LRRC7: variants seen among roughly 807,000 people sequenced by gnomAD.
LRRC7 encodes leucine-rich repeat-containing protein 7.
Under a neutral mutation model 175.7 loss-of-function variants are expected in LRRC7, and 23 were observed. The observed-to-expected ratio is 0.13, with a 90% CI of 0.09 to 0.19. The LOEUF (loss-of-function observed/expected upper bound fraction) is 0.19, where lower values mean the gene tolerates loss of function less well. Ranked by LOEUF, LRRC7 falls within the 10% of genes least tolerant of loss-of-function variation. The probability of loss-of-function intolerance (pLI) is 1.00; values close to 1 mark genes in which losing one functional copy is unlikely to be tolerated. For missense variants in LRRC7, 1,354 were observed against 1,904.7 expected (o/e 0.71, Z 5.38); for synonymous variants, 685 against 680.9 (o/e 1.01, Z -0.09).
chr1:69,654,115 ATTT>A (rs928157189), intron 1 of LRRC7, among the ~76,000 whole-genome samples: 1 of 147,098 alleles, frequency 6.8e-6, no homozygotes, highest in Admixed American at 6.8e-5. Context: ...CATGTTATTT[ATTT>A]TTTTTTTTTA....
chr1:69,947,883 A>G (rs539019576), intron 8 of LRRC7, among the ~76,000 whole-genome samples: 4 of 152,278 alleles, frequency 2.6e-5, no homozygotes, highest in South Asian at 4.1e-4. Flanking sequence ...TTATAACAAT[A>G]TACTGTAAAA....
At chr1:69,836,796 T>C (rs1051422276) in intron 6 of LRRC7, among the ~76,000 whole-genome samples, 1 of 151,576 alleles carries the variant, frequency 6.6e-6, no homozygotes, top group African/African-American at 2.4e-5. Context: ...AATATACCCA[T>C]GCCGTGAAGA....
At chr1:69,761,383 A>G (rs1376635056) in intron 3 of LRRC7, among the ~76,000 whole-genome samples, 1 of 152,078 alleles carries the variant, frequency 6.6e-6, no homozygotes, top group Non-Finnish European at 1.5e-5. Context: ...ATCAAAATAA[A>G]TTATGAATAA....
At chr1:69,676,591 A>G (rs935413398) in intron 1 of LRRC7, among the ~76,000 whole-genome samples, 78 of 152,176 alleles carry the variant, frequency 5.1e-4, no homozygotes, top group African/African-American at 1.8e-3. Flanking sequence ...TGCTCACCCA[A>G]GTTGTGTTTG....
chr1:69,797,151 T>A (rs1675885211), intron 4 of LRRC7, among the ~76,000 whole-genome samples: 2 of 152,140 alleles, frequency 1.3e-5, no homozygotes, highest in Non-Finnish European at 2.9e-5. Flanking sequence ...TTAATTACAT[T>A]AGGGACCCAA....
intron 1 of LRRC7, among the ~76,000 whole-genome samples, chr1:69,631,385 CATT>C (rs1652471297): frequency 6.6e-6 from 1 of 152,196 alleles, no homozygotes; most frequent in Non-Finnish European, 1.5e-5. Flanking sequence ...CAAATCATCT[CATT>C]GTTGATATTC....
chr1:70,106,629 A>T (rs903585817), intron 25 of LRRC7, among the ~76,000 whole-genome samples: 2 of 152,206 alleles, frequency 1.3e-5, no homozygotes, highest in South Asian at 2.1e-4. Flanking sequence ...AAGAAGGTTT[A>T]TGAAAGGCCA....
At chr1:69,716,606 T>C (rs1157349739) in intron 2 of LRRC7, among the ~76,000 whole-genome samples, 1 of 151,900 alleles carries the variant, frequency 6.6e-6, no homozygotes, top group Non-Finnish European at 1.5e-5. Context: ...TCATAAATAT[T>C]ATTTTATAAT....
intron 2 of LRRC7, among the ~76,000 whole-genome samples, chr1:69,737,011 T>C (rs1180334001): frequency 6.6e-6 from 1 of 152,228 alleles, no homozygotes; most frequent in South Asian, 2.1e-4. Context: ...AGCCTGCCAG[T>C]GCCAAACTCA....
chr1:69,948,248 A>T (rs1649551054), intron 8 of LRRC7, among the ~76,000 whole-genome samples: 1 of 152,198 alleles, frequency 6.6e-6, no homozygotes, highest in Admixed American at 6.5e-5. Flanking sequence ...TAAGCAGGAG[A>T]TTATTACAGA....
chr1:69,770,530 C>T (rs1462950042), intron 3 of LRRC7, among the ~76,000 whole-genome samples: 3 of 151,818 alleles, frequency 2.0e-5, no homozygotes, highest in Admixed American at 2.0e-4. Flanking sequence ...TTTTTTTCCT[C>T]CTACTTAAAA....
intron 4 of LRRC7, among the ~76,000 whole-genome samples, chr1:69,800,782 G>C (rs377692174): frequency 1.3e-5 from 2 of 151,856 alleles, no homozygotes. Context: ...ATATTGAAGA[G>C]AGTAGTGAAA....
At chr1:70,072,936 G>T (rs1024062800) in intron 23 of LRRC7, among the ~76,000 whole-genome samples, 1 of 152,178 alleles carries the variant, frequency 6.6e-6, no homozygotes, top group African/African-American at 2.4e-5. Flanking sequence ...ACTAATGAGG[G>T]TGGGTGTCAA....
intron 1 of LRRC7, among the ~76,000 whole-genome samples, chr1:69,625,423 T>A (rs1651340138): frequency 7.2e-6 from 1 of 139,164 alleles, no homozygotes. Flanking sequence ...AGAACCAAGT[T>A]TGGGTTTTAT....
chr1:70,081,534 T>C (rs1174907244), intron 24 of LRRC7, among the ~76,000 whole-genome samples: 1 of 152,240 alleles, frequency 6.6e-6, no homozygotes, highest in Admixed American at 6.5e-5. Context: ...ATGTCTTGCC[T>C]GTGGTCACAC....
Position 69,781,954 on chromosome 1 carries a change from A to G in LRRC7, c.304-10089A>G, listed in dbSNP as rs570201974. On this transcript the variant is annotated intron_variant, in intron 3 of 26. Coordinates refer to ENST00000651989, the MANE Select transcript of LRRC7 (RefSeq NM_001370785.2). Reference sequence around the variant, plus strand: ...AAAGAAAGAAAGAGAAAAGAAAAGAAAGAAAGAAAGAAAAAGAAAGAAAGA... The same window carrying G: ...AAAGAAAGAAAGAGAAAAGAAAAGAGAGAAAGAAAGAAAAAGAAAGAAAGA... Among the ~76,000 whole-genome samples the G allele has an allele frequency of 8.5e-5, 12 of 140,540 alleles. No homozygotes were observed. In the East Asian group the frequency reaches 2.2e-3, roughly 25 times the overall value. The allele number at this position is 140,540 out of a possible 152,430, so 92.2% of individuals were successfully genotyped here.
intron 9 of LRRC7, among the ~76,000 whole-genome samples, chr1:69,985,664 C>A (rs556122935): frequency 6.6e-6 from 1 of 152,154 alleles, no homozygotes; most frequent in South Asian, 2.1e-4. Context: ...CTCCTAGAAA[C>A]CCTACTCAAC....
At chr1:69,662,618 A>G (rs1408189971) in intron 1 of LRRC7, among the ~76,000 whole-genome samples, 2 of 152,192 alleles carry the variant, frequency 1.3e-5, no homozygotes, top group Non-Finnish European at 2.9e-5. Context: ...TGTGGTTAAC[A>G]TGTGGTTTCT....
chr1:69,621,182 T>A (rs1650520499), intron 1 of LRRC7, among the ~76,000 whole-genome samples: 2 of 152,104 alleles, frequency 1.3e-5, no homozygotes, highest in Admixed American at 1.3e-4. Flanking sequence ...GTAGCTGGGA[T>A]TACAGGCATG....
Sources: allele counts gnomAD v4.1 joint callset (sites outside exome capture counted in the v4.1 genomes callset), GRCh38; gene constraint gnomAD v4.1.1; transcripts MANE v1.5; gene names NCBI Gene and HGNC (gene_info 2026-07-23, HGNC 2026-07-21).